The following EPHA4 variants were observed in gnomAD, a reference collection of about 807,000 sequenced individuals.
The protein encoded by EPHA4 is EPH receptor A4, also known as ephrin type-A receptor 4.
In EPHA4, 19 loss-of-function variants were observed where a neutral mutation model predicts 108.3. The ratio of observed to expected loss-of-function variants is 0.18; its 90% CI spans 0.12 to 0.26. The LOEUF (loss-of-function observed/expected upper bound fraction) is 0.26. EPHA4 is among the 10% of genes least tolerant of loss of function. The pLI, the probability that EPHA4 is intolerant of heterozygous loss-of-function variation, is 1.00. For synonymous variants in EPHA4, 449 were observed against 455.5 expected (o/e 0.99, Z 0.18); for missense variants, 917 against 1,254.0 (o/e 0.73, Z 4.06).
At chr2:221,572,105 C>T (rs1203733947) in intron 1 of EPHA4, 53 bp downstream of exon 1, 12 of 1,503,906 alleles carry the variant, frequency 8.0e-6, no homozygotes, top group African/African-American at 1.4e-5. Context: ...GGACCCCTCA[C>T]CCGCGATGGC....
In EPHA4 at chr2:221,508,586, G is replaced by GAA. The variant is rs10717814; in HGVS notation, c.824-7416_824-7415dup. Among the ~76,000 whole-genome samples the GAA allele has an allele frequency of 3.6e-3, 467 of 131,216 alleles. 2 individuals carry two copies. Among genetic ancestry groups the GAA allele is most frequent in the African/African-American group, 7.2e-3 (248 of 34,220 alleles). The allele number at this position is 131,216 out of a possible 152,430, so 86.1% of individuals were successfully genotyped here. A position where few individuals can be genotyped will look rare whatever the true frequency, so the allele number is the denominator to read the frequency against. On this transcript the variant is annotated intron_variant, in intron 3 of 17. Coordinates refer to ENST00000281821, the MANE Select transcript of EPHA4 (RefSeq NM_004438.5). The stretch of plus-strand genomic sequence containing the variant: ...AGAGTGAGACTCTGTCTCAAAACAG[G>GAA]AAAAAAAAAAAAAAAGAGTAAGAAA...
At chr2:221,449,149 T>C (rs1690691520) in intron 8 of EPHA4, among the ~76,000 whole-genome samples, 1 of 152,164 alleles carries the variant, frequency 6.6e-6, no homozygotes, top group South Asian at 2.1e-4. Flanking sequence ...CAAGGATTAC[T>C]GTTGAAAGGC....
In EPHA4 at chr2:221,537,031, A is replaced by C. The variant is rs75908593; in HGVS notation, c.823+26700T>G. On this transcript the variant is annotated intron_variant, in intron 3 of 17. Coordinates refer to ENST00000281821, the MANE Select transcript of EPHA4 (RefSeq NM_004438.5). The stretch of plus-strand genomic sequence containing the variant: ...GCCATAAAGGCTAAAACAAAGAGAG[A>C]GAGAGAAATCTCTATGCCGTGGGAC... 3.9e-5 allele frequency among the ~76,000 whole-genome samples: 6 copies of C among 152,374 alleles called. No homozygotes were observed. The East Asian group carries it at 1.2e-3, about 29-fold the overall frequency.
At chr2:221,539,138 G>A (rs1378893525) in intron 3 of EPHA4, among the ~76,000 whole-genome samples, 1 of 152,184 alleles carries the variant, frequency 6.6e-6, no homozygotes, top group African/African-American at 2.4e-5. Context: ...AGTAGCAGCA[G>A]TAGCAGGAGT....
At chr2:221,532,528 T>C (rs1693551339) in intron 3 of EPHA4, 1 of 152,276 alleles carries the variant, frequency 6.6e-6, no homozygotes, top group South Asian at 2.1e-4. Flanking sequence ...AGCAGGCACA[T>C]GAATTAACCA....
chr2:221,453,491 G>C (rs75728524), intron 8 of EPHA4, among the ~76,000 whole-genome samples: 128 of 152,258 alleles, frequency 8.4e-4, no homozygotes, highest in African/African-American at 2.1e-3. Context: ...GTACAAGAAA[G>C]AGGGCCATCT....
Position 221,482,575 on chromosome 2 carries a change from T to C in EPHA4, c.1095A>G (p.Val365=). ...GGRQDISYNV[V]CKKCGAGDPS... is the part of the protein sequence containing the mutation. ...GGTCACCAGCTCCACATTTCTTGCA[T>C]ACCACATTATAGGAAATGTCCTGGC... The change falls in exon 5 of 18, where the codon GTA becomes GTG. Residue 365 remains valine (V), a synonymous_variant. Transcript: ENST00000281821. 6.2e-7 allele frequency: 1 copy of C among 1,614,124 alleles called. No individual in the cohort carries two copies. The highest frequency in any genetic ancestry group is 8.5e-7 in the Non-Finnish European group (1 of 1,180,000).
At chr2:221,537,050 G>T (rs983438232) in intron 3 of EPHA4, among the ~76,000 whole-genome samples, 32 of 152,218 alleles carry the variant, frequency 2.1e-4, no homozygotes, top group Admixed American at 2.1e-3. Context: ...TCTCTATGCC[G>T]TGGGACTTTG....
intron 3 of EPHA4, among the ~76,000 whole-genome samples, chr2:221,504,118 C>T (rs578139258): frequency 1.8e-4 from 27 of 152,318 alleles, no homozygotes; most frequent in African/African-American, 5.1e-4. Flanking sequence ...AACTGCTATG[C>T]TGTATTTTTG....
chr2:221,516,849 T>A (rs1403440411), intron 3 of EPHA4, among the ~76,000 whole-genome samples: 1 of 152,174 alleles, frequency 6.6e-6, no homozygotes, highest in African/African-American at 2.4e-5. Context: ...AGGTCCTTTT[T>A]TTTCCCCAAA....
intron 4 of EPHA4, among the ~76,000 whole-genome samples, chr2:221,499,752 ATATATTTT>A (rs1341328378): frequency 9.7e-4 from 40 of 41,310 alleles, no homozygotes; most frequent in African/African-American, 4.2e-3. Context: ...ATATATATAT[ATATATTTT>A]TTTTTTTTTT....
intron 15 of EPHA4, among the ~76,000 whole-genome samples, chr2:221,427,208 G>A (rs1689938659): frequency 6.6e-6 from 1 of 152,176 alleles, no homozygotes. Context: ...TGCCTGACCA[G>A]CACGAGTGCC....
intron 5 of EPHA4, among the ~76,000 whole-genome samples, chr2:221,459,973 G>A (rs1440017902): frequency 2.6e-5 from 4 of 152,124 alleles, no homozygotes; most frequent in Non-Finnish European, 5.9e-5. Context: ...AACTAAGACA[G>A]CTTCTCTCTG....
chr2:221,454,029 T>G (rs1690867666), intron 8 of EPHA4, among the ~76,000 whole-genome samples: 1 of 151,672 alleles, frequency 6.6e-6, no homozygotes, highest in African/African-American at 2.4e-5. Flanking sequence ...ATACAAAAAT[T>G]AGCTGCCAGG....
Position 221,443,535 on chromosome 2 carries a change from T to C in EPHA4, c.1846A>G (p.Ile616Val), listed in dbSNP as rs1559242911. 1 of 1,613,856 alleles carries C rather than the reference T, an allele frequency of 6.2e-7. No individual in the cohort carries two copies. Among genetic ancestry groups the C allele is most frequent in the Non-Finnish European group, 8.5e-7 (1 of 1,179,974 alleles). The change falls in exon 10 of 18, where the codon ATT becomes GTT. Residue 616 changes from isoleucine (I) to valine (V), a missense_variant. Ile to Val is a conservative substitution (Grantham distance 29). This residue lies in a region of EPHA4 where 758 missense variants were observed against 1,076.7 expected (regional missense o/e 0.70). Coordinates refer to ENST00000281821, the MANE Select transcript of EPHA4 (RefSeq NM_004438.5). ...TCAATCTTAATGCAGGATGCGTCAA[T>C]TTCTTTGGCAAACTCTCGCACTGCT... ...NQAVREFAKE[I>V]DASCIKIEKV...
chr2:221,503,056 G>C (rs1041124620), intron 3 of EPHA4, among the ~76,000 whole-genome samples: 2 of 152,186 alleles, frequency 1.3e-5, no homozygotes, highest in Admixed American at 6.5e-5. Context: ...AGAAGGACTG[G>C]GGGTCAAGCC....
chr2:221,529,392 T>C (rs567498730), intron 3 of EPHA4, among the ~76,000 whole-genome samples: 2 of 152,262 alleles, frequency 1.3e-5, no homozygotes, highest in East Asian at 1.9e-4. Flanking sequence ...CACCAGGAAT[T>C]GTGACTTCTG....
intron 3 of EPHA4, among the ~76,000 whole-genome samples, chr2:221,540,979 C>A (rs1000433590): frequency 7.5e-6 from 1 of 132,602 alleles, no homozygotes; most frequent in African/African-American, 2.9e-5. Flanking sequence ...GAGAGTCTTA[C>A]TCTGTCTTCC....
chr2:221,456,113 C>T (rs1175863463), intron 7 of EPHA4, among the ~76,000 whole-genome samples: 3 of 151,064 alleles, frequency 2.0e-5, no homozygotes, highest in African/African-American at 4.9e-5. Flanking sequence ...TAAATTTAGT[C>T]AACCAGTCAA....
Sources: allele counts gnomAD v4.1 joint callset (sites outside exome capture counted in the v4.1 genomes callset), GRCh38; gene constraint gnomAD v4.1.1; regional missense constraint gnomAD v4.1.1; transcripts MANE v1.5; gene names NCBI Gene and HGNC (gene_info 2026-07-23, HGNC 2026-07-21).